KCTD8: variants seen among roughly 807,000 people sequenced by gnomAD.
The protein encoded by KCTD8 is potassium channel tetramerization domain containing 8.
Under a neutral mutation model 31.5 loss-of-function variants are expected in KCTD8, and 27 were observed. The ratio of observed to expected loss-of-function variants is 0.86; its 90% CI spans 0.63 to 1.18. The LOEUF (loss-of-function observed/expected upper bound fraction) is 1.18. KCTD8 is among the 50% of genes most tolerant of loss of function. The probability of loss-of-function intolerance (pLI) is 0.00; values close to 1 mark genes in which losing one functional copy is unlikely to be tolerated. For synonymous variants in KCTD8, 290 were observed against 280.0 expected (o/e 1.04, Z -0.36); for missense variants, 658 against 647.7 (o/e 1.02, Z -0.17).
At chr4:44,183,253 TG>T (rs1713480831) in intron 1 of KCTD8, among the ~76,000 whole-genome samples, 1 of 152,204 alleles carries the variant, frequency 6.6e-6, no homozygotes, top group African/African-American at 2.4e-5. Context: ...ATTTGTAAGC[TG>T]TAAAGTTCTA....
At chr4:44,308,327 A>G (rs1436922424) in intron 1 of KCTD8, among the ~76,000 whole-genome samples, 2 of 152,092 alleles carry the variant, frequency 1.3e-5, no homozygotes, top group African/African-American at 2.4e-5. Flanking sequence ...AGATTAAATT[A>G]CAATGAACTC....
At chr4:44,335,460 A>G (rs1718714170) in intron 1 of KCTD8, among the ~76,000 whole-genome samples, 2 of 152,094 alleles carry the variant, frequency 1.3e-5, no homozygotes. Flanking sequence ...CCTATAATAA[A>G]AGTTGTAAAG....
intron 1 of KCTD8, among the ~76,000 whole-genome samples, chr4:44,373,024 A>G (rs1719829112): frequency 6.6e-6 from 1 of 152,108 alleles, no homozygotes; most frequent in African/African-American, 2.4e-5. Context: ...CAAATTTGCC[A>G]TCTCTTTCAC....
At chr4:44,267,935 T>C (rs914806027) in intron 1 of KCTD8, among the ~76,000 whole-genome samples, 2 of 152,154 alleles carry the variant, frequency 1.3e-5, no homozygotes, top group Non-Finnish European at 2.9e-5. Context: ...CAGGACCAGA[T>C]GGATTCACAG....
At chr4:44,266,222 G>A (rs572224227) in intron 1 of KCTD8, among the ~76,000 whole-genome samples, 1 of 152,162 alleles carries the variant, frequency 6.6e-6, no homozygotes, top group African/African-American at 2.4e-5. Flanking sequence ...AGCCAGAAGA[G>A]AGTGGGGGCC....
At chr4:44,181,499 C>T (rs1053768687) in intron 1 of KCTD8, among the ~76,000 whole-genome samples, 3 of 152,170 alleles carry the variant, frequency 2.0e-5, no homozygotes, top group Non-Finnish European at 4.4e-5. Flanking sequence ...CTGCCAGCCT[C>T]GGCCCCCCGA....
At chr4:44,235,148 A>G (rs1475852692) in intron 1 of KCTD8, among the ~76,000 whole-genome samples, 2 of 151,720 alleles carry the variant, frequency 1.3e-5, no homozygotes, top group African/African-American at 2.4e-5. Flanking sequence ...TAGTAATAGT[A>G]GAAAAATAAG....
chr4:44,359,684 G>T (rs1719447578), intron 1 of KCTD8, among the ~76,000 whole-genome samples: 2 of 152,036 alleles, frequency 1.3e-5, no homozygotes, highest in Non-Finnish European at 2.9e-5. Flanking sequence ...CTTATGCAGA[G>T]CATGAATTAA....
chr4:44,295,021 G>A (rs539109050), intron 1 of KCTD8, among the ~76,000 whole-genome samples: 1 of 152,270 alleles, frequency 6.6e-6, no homozygotes, highest in African/African-American at 2.4e-5. Flanking sequence ...GGTCCCGCAG[G>A]GTGGCTGATG....
At chr4:44,446,844 A>T (rs947637292) in intron 1 of KCTD8, among the ~76,000 whole-genome samples, 1 of 151,574 alleles carries the variant, frequency 6.6e-6, no homozygotes, top group African/African-American at 2.4e-5. Flanking sequence ...GCACTCAGAC[A>T]TGCAAACTTT....
intron 1 of KCTD8, among the ~76,000 whole-genome samples, chr4:44,386,676 A>T (rs978989685): frequency 6.6e-6 from 1 of 151,662 alleles, no homozygotes; most frequent in Non-Finnish European, 1.5e-5. Context: ...ACCACTAGGG[A>T]GAACAGTTTG....
At chr4:44,295,360 T>A (rs1229875713) in intron 1 of KCTD8, among the ~76,000 whole-genome samples, 3 of 152,084 alleles carry the variant, frequency 2.0e-5, no homozygotes, top group Non-Finnish European at 4.4e-5. Flanking sequence ...TGGGGCCTTT[T>A]AGAACTAAAA....
intron 1 of KCTD8, among the ~76,000 whole-genome samples, chr4:44,356,309 T>C (rs908246842): frequency 1.2e-3 from 187 of 152,332 alleles, no homozygotes; most frequent in African/African-American, 4.2e-3. Flanking sequence ...ATGTGGTCTC[T>C]CTTGTACTTC....
At position 44,363,330 on chromosome 4, in the gene KCTD8, T is replaced by C. The variant is rs1719548946; in HGVS notation, c.961+84233A>G. Among the ~76,000 whole-genome samples the C allele has an allele frequency of 2.6e-5, 4 of 151,996 alleles. No homozygotes were observed. In the South Asian group the frequency reaches 8.3e-4, roughly 32 times the overall value. Reference sequence around the variant, plus strand: ...AAGGTTAAAGAGGGCATTAAAAACATATCTTTGATGTGTTCCTACAAATTG... The same window carrying C: ...AAGGTTAAAGAGGGCATTAAAAACACATCTTTGATGTGTTCCTACAAATTG... On this transcript the variant is annotated intron_variant, in intron 1 of 1. Coordinates refer to ENST00000360029, the MANE Select transcript of KCTD8 (RefSeq NM_198353.3).
intron 1 of KCTD8, among the ~76,000 whole-genome samples, chr4:44,418,896 G>A (rs1193543946): frequency 4.6e-5 from 7 of 152,108 alleles, no homozygotes; most frequent in East Asian, 3.9e-4. Context: ...TTTAATTTAC[G>A]TATATATTAC....
chr4:44,390,269 T>C (rs1311371186), intron 1 of KCTD8, among the ~76,000 whole-genome samples: 1 of 151,922 alleles, frequency 6.6e-6, no homozygotes, highest in Admixed American at 6.6e-5. Flanking sequence ...ATGGTTTCAG[T>C]TCTTAGATTT....
intron 1 of KCTD8, among the ~76,000 whole-genome samples, chr4:44,322,628 G>A (rs189554914): frequency 5.3e-5 from 8 of 152,052 alleles, no homozygotes; most frequent in Non-Finnish European, 1.0e-4. Flanking sequence ...TTGGTTGCTT[G>A]TGCTTTTGAG....
At chr4:44,357,089 CAA>C (rs11368270) in intron 1 of KCTD8, among the ~76,000 whole-genome samples, 14,713 of 143,356 alleles carry the variant, frequency 0.1, 808 homozygotes, top group Admixed American at 0.18. Flanking sequence ...GCATTTGAGG[CAA>C]AAAAAAAAAA....
At chr4:44,268,914 T>G (rs1272556425) in intron 1 of KCTD8, among the ~76,000 whole-genome samples, 2 of 152,150 alleles carry the variant, frequency 1.3e-5, no homozygotes, top group African/African-American at 4.8e-5. Flanking sequence ...TGGAAGAACA[T>G]TCCATGCTCA....
Sources: allele counts gnomAD v4.1 joint callset (sites outside exome capture counted in the v4.1 genomes callset), GRCh38; gene constraint gnomAD v4.1.1; transcripts MANE v1.5; gene names NCBI Gene and HGNC (gene_info 2026-07-23, HGNC 2026-07-21).